PTPN12: variants seen among roughly 807,000 people sequenced by gnomAD.
PTPN12 encodes protein tyrosine phosphatase non-receptor type 12, also known as tyrosine-protein phosphatase non-receptor type 12.
Under a neutral mutation model 97.6 loss-of-function variants are expected in PTPN12, and 29 were observed. That is an observed-to-expected ratio of 0.30 (90% CI 0.22 to 0.41). The LOEUF (loss-of-function observed/expected upper bound fraction) is 0.41, where lower values mean the gene tolerates loss of function less well. Ranked by LOEUF, PTPN12 falls within the 10% of genes least tolerant of loss-of-function variation. The pLI, the probability that PTPN12 is intolerant of heterozygous loss-of-function variation, is 1.00. For synonymous variants in PTPN12, 327 were observed against 300.4 expected, an observed-to-expected ratio of 1.09 and a Z score of -0.91; for missense variants, 819 against 926.0, an observed-to-expected ratio of 0.88 and a Z score of 1.50.
chr7:77,537,983 G>GGC lies in PTPN12; in HGVS notation c.99+339_99+340insCG, dbSNP rs1554306822. On this transcript the variant is annotated intron_variant, in intron 1 of 17. Transcript: ENST00000248594. Reference sequence around the variant, plus strand: ...TAGGCAAGTGAGGTGCAGGCCGGGGGGGGGGGCTCGCGTTTCCACACCTCC... The same window carrying GGC: ...TAGGCAAGTGAGGTGCAGGCCGGGGGGCGGGGGGCTCGCGTTTCCACACCTCC... 149 of 989,824 alleles carry GGC rather than the reference G, an allele frequency of 1.5e-4. 5 individuals carry two copies. The African/African-American group carries it at 2.4e-3, about 16-fold the overall frequency. 61.3% of individuals were successfully genotyped at this position (989,824 alleles called of 1,614,324 possible).
At chr7:77,540,037 G>C (rs369750849) in intron 1 of PTPN12, among the ~76,000 whole-genome samples, 11 of 152,010 alleles carry the variant, frequency 7.2e-5, no homozygotes, top group African/African-American at 2.4e-4. Context: ...TGTGGTCCCT[G>C]GTCATTTCTT....
intron 8 of PTPN12, among the ~76,000 whole-genome samples, chr7:77,605,157 T>A (rs1584178724): frequency 1.3e-5 from 2 of 152,232 alleles, no homozygotes; most frequent in Admixed American, 6.5e-5. Context: ...TTAAGAGTTT[T>A]AAAAAATCTT....
intron 9 of PTPN12, among the ~76,000 whole-genome samples, chr7:77,609,895 A>AAC (rs144037026): frequency 3.4e-5 from 3 of 88,550 alleles, no homozygotes; most frequent in South Asian, 5.3e-4. Context: ...AAAAAACAAC[A>AAC]AAAAAAAAAC....
chr7:77,559,725 T>A (rs1389751388), intron 1 of PTPN12, among the ~76,000 whole-genome samples: 1 of 152,092 alleles, frequency 6.6e-6, no homozygotes, highest in Non-Finnish European at 1.5e-5. Context: ...AGGGTGCCAA[T>A]TCACTGACTA....
At chr7:77,539,276 T>A (rs549880668) in intron 1 of PTPN12, among the ~76,000 whole-genome samples, 2 of 152,334 alleles carry the variant, frequency 1.3e-5, no homozygotes, top group East Asian at 3.9e-4. Flanking sequence ...AGGACGGAAG[T>A]AAAGTTTTCT....
chr7:77,551,146 C>T (rs749230548), intron 1 of PTPN12, among the ~76,000 whole-genome samples: 24 of 152,082 alleles, frequency 1.6e-4, no homozygotes, highest in Non-Finnish European at 1.5e-4. Flanking sequence ...CTGCAGTCTC[C>T]GCCTCCTGGG....
intron 12 of PTPN12, among the ~76,000 whole-genome samples, chr7:77,624,528 C>T (rs1327056165): frequency 6.6e-6 from 1 of 151,950 alleles, no homozygotes; most frequent in Non-Finnish European, 1.5e-5. Flanking sequence ...CAACCTCTGC[C>T]TCCCGAATTC....
chr7:77,573,097 CA>C (rs1383453267), intron 2 of PTPN12, among the ~76,000 whole-genome samples: 1 of 48,504 alleles, frequency 2.1e-5, no homozygotes, highest in African/African-American at 1.2e-4. Flanking sequence ...AAAAAAAAAA[CA>C]AAAAAACAAA....
chr7:77,605,095 C>T (rs948095096), intron 8 of PTPN12, among the ~76,000 whole-genome samples: 2 of 151,978 alleles, frequency 1.3e-5, no homozygotes, highest in Non-Finnish European at 2.9e-5. Flanking sequence ...TGTTTTGATG[C>T]ACAGAATTCA....
chr7:77,579,001 GAGA>G (rs1359616283), intron 2 of PTPN12, among the ~76,000 whole-genome samples: 2 of 152,074 alleles, frequency 1.3e-5, no homozygotes, highest in Non-Finnish European at 2.9e-5. Flanking sequence ...GTGTTGTGCT[GAGA>G]AGGACACAAT....
chr7:77,635,894 C>A, intron 15 of PTPN12, 45 bp downstream of exon 15: 1 of 1,313,698 alleles, frequency 7.6e-7, no homozygotes, highest in Non-Finnish European at 1.1e-6. Flanking sequence ...AACATTTCTA[C>A]TCTTTTGTTA....
chr7:77,639,042 T>A (rs1789705856), intron 17 of PTPN12, 177 bp from the exon 18 acceptor site: 1 of 651,896 alleles, frequency 1.5e-6, no homozygotes, highest in South Asian at 3.0e-5. Context: ...TCATTTTCAG[T>A]TATTCCAAAT....
At chr7:77,628,802 T>G (rs1048231139) in intron 13 of PTPN12, among the ~76,000 whole-genome samples, 2 of 150,962 alleles carry the variant, frequency 1.3e-5, no homozygotes, top group Non-Finnish European at 1.5e-5. Flanking sequence ...CCTCCCAAAG[T>G]GCTGGGATTA....
intron 11 of PTPN12, among the ~76,000 whole-genome samples, chr7:77,616,910 G>T (rs956245279): frequency 6.6e-6 from 1 of 152,016 alleles, no homozygotes; most frequent in Non-Finnish European, 1.5e-5. Context: ...AGCCTCCCAA[G>T]TAACTGGAAT....
intron 1 of PTPN12, among the ~76,000 whole-genome samples, chr7:77,550,794 A>C (rs564388969): frequency 2.0e-5 from 3 of 152,350 alleles, no homozygotes; most frequent in African/African-American, 7.2e-5. Context: ...CACTCTCATA[A>C]TAAGCAGATG....
intron 12 of PTPN12, among the ~76,000 whole-genome samples, chr7:77,624,533 G>T (rs549700901): frequency 6.6e-6 from 1 of 151,754 alleles, no homozygotes; most frequent in Non-Finnish European, 1.5e-5. Context: ...TCTGCCTCCC[G>T]AATTCAAGTG....
At chr7:77,565,859 C>T (rs372064074) in intron 1 of PTPN12, among the ~76,000 whole-genome samples, 48 of 152,290 alleles carry the variant, frequency 3.2e-4, no homozygotes, top group African/African-American at 1.1e-3. Flanking sequence ...GTAAATAATT[C>T]TTCAATTTGT....
chr7:77,543,224 G>A (rs529426952), intron 1 of PTPN12, among the ~76,000 whole-genome samples: 3 of 151,504 alleles, frequency 2.0e-5, no homozygotes, highest in Admixed American at 1.3e-4. Context: ...GGTATGGGAA[G>A]AAGCTAGATT....
At chr7:77,607,109 C>G in intron 8 of PTPN12, 126 bp from the exon 9 acceptor site, 3 of 678,832 alleles carry the variant, frequency 4.4e-6, no homozygotes, top group Non-Finnish European at 7.3e-6. Context: ...TTGTTTATTA[C>G]TAAGTAGAAT....
Sources: allele counts gnomAD v4.1 joint callset (sites outside exome capture counted in the v4.1 genomes callset), GRCh38; gene constraint gnomAD v4.1.1; transcripts MANE v1.5; gene names NCBI Gene and HGNC (gene_info 2026-07-23, HGNC 2026-07-21).